KCTD8: variants seen among roughly 807,000 people sequenced by gnomAD.
KCTD8 encodes potassium channel tetramerization domain containing 8.
KCTD8 carries 27 observed loss-of-function variants against 31.5 expected under a neutral mutation model. The observed-to-expected ratio is 0.86, with a 90% confidence interval of 0.63 to 1.18. The LOEUF (loss-of-function observed/expected upper bound fraction) is 1.18, where lower values mean the gene tolerates loss of function less well. Among genes scored for constraint, KCTD8 ranks in the 50% most tolerant of loss-of-function variants. The probability of loss-of-function intolerance (pLI) is 0.00; values close to 1 mark genes in which losing one functional copy is unlikely to be tolerated. For missense variants in KCTD8, 658 were observed against 647.7 expected, an observed-to-expected ratio of 1.02 and a Z score of -0.17; for synonymous variants, 290 against 280.0, an observed-to-expected ratio of 1.04 and a Z score of -0.36.
At chr4:44,309,736 G>A (rs1387003013) in intron 1 of KCTD8, among the ~76,000 whole-genome samples, 1 of 152,010 alleles carries the variant, frequency 6.6e-6, no homozygotes, top group African/African-American at 2.4e-5. Flanking sequence ...TAAATTATGG[G>A]TATAAAATAT....
At chr4:44,238,213 A>C (rs1390589396) in intron 1 of KCTD8, among the ~76,000 whole-genome samples, 1 of 151,822 alleles carries the variant, frequency 6.6e-6, no homozygotes, top group East Asian at 1.9e-4. Context: ...ACACTAGTCA[A>C]CTGCTACTCA....
intron 1 of KCTD8, among the ~76,000 whole-genome samples, chr4:44,245,068 TTC>T (rs749892075): frequency 3.3e-5 from 5 of 152,260 alleles, no homozygotes; most frequent in Non-Finnish European, 7.4e-5. Flanking sequence ...TACTCAACCA[TTC>T]TCTCTTTCCT....
At chr4:44,222,831 G>A (rs1181525144) in intron 1 of KCTD8, among the ~76,000 whole-genome samples, 3 of 152,160 alleles carry the variant, frequency 2.0e-5, no homozygotes, top group East Asian at 3.9e-4. Flanking sequence ...AAGCAAAAAC[G>A]AGCTTGACTA....
intron 1 of KCTD8, among the ~76,000 whole-genome samples, chr4:44,412,185 A>AACT (rs1720977874): frequency 6.6e-6 from 1 of 152,152 alleles, no homozygotes; most frequent in Admixed American, 6.6e-5. Context: ...AAAACCAACA[A>AACT]ACTAATCCAC....
At chr4:44,351,380 T>G (rs1444710497) in intron 1 of KCTD8, among the ~76,000 whole-genome samples, 1 of 152,168 alleles carries the variant, frequency 6.6e-6, no homozygotes, top group Admixed American at 6.6e-5. Context: ...TAAAAAGAAT[T>G]TTTGTGCATT....
chr4:44,180,789 A>C (rs1046481700), intron 1 of KCTD8, among the ~76,000 whole-genome samples: 2 of 152,168 alleles, frequency 1.3e-5, no homozygotes, highest in African/African-American at 2.4e-5. Flanking sequence ...TTGTCCCCTA[A>C]GTTCTTTTAT....
chr4:44,356,489 C>T (rs1353659513), intron 1 of KCTD8, among the ~76,000 whole-genome samples: 1 of 152,074 alleles, frequency 6.6e-6, no homozygotes, highest in Non-Finnish European at 1.5e-5. Context: ...AGTTTCTTTT[C>T]ATGAGCCGGA....
At chr4:44,352,327 A>G (rs1424910931) in intron 1 of KCTD8, among the ~76,000 whole-genome samples, 1 of 151,932 alleles carries the variant, frequency 6.6e-6, no homozygotes, top group Non-Finnish European at 1.5e-5. Context: ...AGGGTTTCTC[A>G]AAGATAATAC....
intron 1 of KCTD8, among the ~76,000 whole-genome samples, chr4:44,240,735 T>C (rs1476663825): frequency 6.6e-6 from 1 of 152,150 alleles, no homozygotes; most frequent in Non-Finnish European, 1.5e-5. Flanking sequence ...GCCAGACCCA[T>C]CCTTAAAACA....
chr4:44,413,691 G>T (rs1721009712), intron 1 of KCTD8, among the ~76,000 whole-genome samples: 2 of 152,134 alleles, frequency 1.3e-5, no homozygotes. Flanking sequence ...ATACCTAGAT[G>T]GTTGTAGTAG....
intron 1 of KCTD8, among the ~76,000 whole-genome samples, chr4:44,400,760 C>G (rs995535385): frequency 6.7e-6 from 1 of 149,288 alleles, no homozygotes; most frequent in Middle Eastern, 3.5e-3. Flanking sequence ...TTAGCACTTT[C>G]AATTCTGCAA....
At chr4:44,203,802 T>C (rs564394061) in intron 1 of KCTD8, among the ~76,000 whole-genome samples, 3 of 151,736 alleles carry the variant, frequency 2.0e-5, no homozygotes, top group Admixed American at 6.6e-5. Context: ...CGATATAATA[T>C]TAATAAGTTT....
At chr4:44,330,144 C>T (rs1054824501) in intron 1 of KCTD8, among the ~76,000 whole-genome samples, 1 of 151,818 alleles carries the variant, frequency 6.6e-6, no homozygotes, top group East Asian at 1.9e-4. Context: ...AGGTTAGATA[C>T]GTTTGAATCT....
At chr4:44,348,822 G>A (rs1265030209) in intron 1 of KCTD8, among the ~76,000 whole-genome samples, 2 of 151,998 alleles carry the variant, frequency 1.3e-5, no homozygotes, top group Non-Finnish European at 2.9e-5. Context: ...TCCTTGACAG[G>A]TTGGCAGTAT....
At chr4:44,223,700 A>T (rs1313917443) in intron 1 of KCTD8, among the ~76,000 whole-genome samples, 1 of 152,188 alleles carries the variant, frequency 6.6e-6, no homozygotes, top group African/African-American at 2.4e-5. Flanking sequence ...TTTATATTTG[A>T]TTGACTTCTA....
At chr4:44,415,977 G>A (rs952638871) in intron 1 of KCTD8, among the ~76,000 whole-genome samples, 1 of 152,170 alleles carries the variant, frequency 6.6e-6, no homozygotes, top group Non-Finnish European at 1.5e-5. Flanking sequence ...CTTGCATCCT[G>A]AGCCTGCCAG....
chr4:44,336,657 A>G (rs1718753911), intron 1 of KCTD8, among the ~76,000 whole-genome samples: 1 of 152,142 alleles, frequency 6.6e-6, no homozygotes, highest in Admixed American at 6.5e-5. Context: ...TCTCATTTAA[A>G]TGTCCGGGAA....
intron 1 of KCTD8, among the ~76,000 whole-genome samples, chr4:44,264,543 C>T (rs1994623): frequency 1 from 151,938 of 152,296 alleles, 75,790 homozygotes; most frequent in East Asian, 1. Context: ...CGCAGGACAG[C>T]GGGTGCAGTG....
At chr4:44,398,735 T>C (rs990408139) in intron 1 of KCTD8, among the ~76,000 whole-genome samples, 2 of 152,182 alleles carry the variant, frequency 1.3e-5, no homozygotes, top group African/African-American at 2.4e-5. Context: ...TCATTTAAAC[T>C]GACTCCTGCA....
Sources: gnomAD v4.1 joint callset for allele counts (sites outside exome capture counted in the v4.1 genomes callset) on GRCh38, gnomAD v4.1.1 for gene constraint, MANE v1.5 for transcripts, NCBI Gene and HGNC (gene_info 2026-07-23, HGNC 2026-07-21) for gene names.